The following ROBO2 variants were observed in gnomAD, a reference collection of about 807,000 sequenced individuals.
ROBO2 encodes the protein roundabout guidance receptor 2, also known as roundabout homolog 2.
A neutral mutation model predicts 160.8 loss-of-function variants in ROBO2; 53 were observed. That is an observed-to-expected ratio of 0.33 (90% confidence interval 0.26 to 0.41). The LOEUF (loss-of-function observed/expected upper bound fraction) is 0.41, where lower values mean the gene tolerates loss of function less well. ROBO2 is among the 10% of genes least tolerant of loss of function. ROBO2 has a pLI of 1.00. For missense variants in ROBO2, 1,577 were observed against 1,722.4 expected (o/e 0.92, Z 1.49); for synonymous variants, 664 against 611.7 (o/e 1.09, Z -1.26).
At chr3:76,099,462 G>C (rs554986316) in intron 2 of ROBO2, among the ~76,000 whole-genome samples, 4 of 152,086 alleles carry the variant, frequency 2.6e-5, no homozygotes, top group Middle Eastern at 3.4e-3. Flanking sequence ...TGTATTTCTT[G>C]AGAGATTTTC....
chr3:77,006,891 A>G (rs1036621061), intron 2 of ROBO2, among the ~76,000 whole-genome samples: 19 of 152,176 alleles, frequency 1.2e-4, no homozygotes, highest in African/African-American at 4.6e-4. Flanking sequence ...CTTTAAGTTA[A>G]AAAAGATAAT....
chr3:77,068,416 G>T (rs2149816173), intron 1 of ROBO2, among the ~76,000 whole-genome samples: 1 of 152,178 alleles, frequency 6.6e-6, no homozygotes, highest in East Asian at 1.9e-4. Context: ...AAAGGAGAAT[G>T]AACGAATCAC....
At chr3:77,159,715 G>A (rs2150599130) in intron 2 of ROBO2, among the ~76,000 whole-genome samples, 1 of 152,248 alleles carries the variant, frequency 6.6e-6, no homozygotes, top group African/African-American at 2.4e-5. Flanking sequence ...TAATAAGGAT[G>A]TAAAATTCAG....
At chr3:76,767,012 C>T (rs1200501996) in intron 2 of ROBO2, among the ~76,000 whole-genome samples, 2 of 151,496 alleles carry the variant, frequency 1.3e-5, no homozygotes, top group East Asian at 2.0e-4. Flanking sequence ...GAGATTAATA[C>T]ATTAATACAT....
intron 2 of ROBO2, among the ~76,000 whole-genome samples, chr3:77,300,786 G>C (rs2153411984): frequency 6.6e-6 from 1 of 152,018 alleles, no homozygotes; most frequent in Non-Finnish European, 1.5e-5. Context: ...ACATTTAGGG[G>C]CAGCTACCTA....
chr3:77,631,085 T>G (rs9862392), intron 23 of ROBO2: 110,150 of 151,282 alleles, frequency 0.73, 40,277 homozygotes, highest in East Asian at 0.84. Context: ...AGGCTCAGTT[T>G]CTGGTGTTAT....
chr3:77,476,556 C>G (rs1560944541), intron 2 of ROBO2, among the ~76,000 whole-genome samples: 1 of 152,012 alleles, frequency 6.6e-6, no homozygotes, highest in Non-Finnish European at 1.5e-5. Context: ...TGAATGTTTA[C>G]CCTAAAATTA....
At chr3:76,773,657 C>T (rs912264307) in intron 2 of ROBO2, among the ~76,000 whole-genome samples, 4 of 150,276 alleles carry the variant, frequency 2.7e-5, no homozygotes, top group Non-Finnish European at 6.0e-5. Context: ...ACTAATATAT[C>T]TAATAAAACA....
intron 2 of ROBO2, among the ~76,000 whole-genome samples, chr3:75,990,316 T>C (rs981554494): frequency 1.3e-5 from 2 of 152,156 alleles, no homozygotes; most frequent in East Asian, 1.9e-4. Context: ...TTAGACTTCA[T>C]AGGGGAAAGA....
At chr3:75,913,417 T>A (rs549404910) in intron 1 of ROBO2, among the ~76,000 whole-genome samples, 6 of 152,348 alleles carry the variant, frequency 3.9e-5, no homozygotes, top group Admixed American at 2.0e-4. Context: ...TCATAAGTGG[T>A]AATAATATTT....
intron 2 of ROBO2, among the ~76,000 whole-genome samples, chr3:76,538,433 A>T (rs2082634090): frequency 6.6e-6 from 1 of 152,134 alleles, no homozygotes; most frequent in South Asian, 2.1e-4. Context: ...CACCTGTGCC[A>T]CTGAGTTAGG....
At chr3:77,345,452 G>T (rs1156440024) in intron 2 of ROBO2, among the ~76,000 whole-genome samples, 1 of 152,112 alleles carries the variant, frequency 6.6e-6, no homozygotes, top group Non-Finnish European at 1.5e-5. Flanking sequence ...ATAATTGGTG[G>T]ACATATTGAA....
chr3:76,800,302 T>G (rs2064100655), intron 2 of ROBO2, among the ~76,000 whole-genome samples: 1 of 152,132 alleles, frequency 6.6e-6, no homozygotes, highest in East Asian at 1.9e-4. Flanking sequence ...TTCAAGACAT[T>G]GGCCTAGGCA....
chr3:76,973,492 T>C (rs1302941387), intron 2 of ROBO2, among the ~76,000 whole-genome samples: 1 of 152,086 alleles, frequency 6.6e-6, no homozygotes, highest in Non-Finnish European at 1.5e-5. Flanking sequence ...TTCATATCAT[T>C]ATTATTAAAC....
chr3:76,566,880 A>G (rs1377386893), intron 2 of ROBO2, among the ~76,000 whole-genome samples: 1 of 152,214 alleles, frequency 6.6e-6, no homozygotes, highest in Non-Finnish European at 1.5e-5. Context: ...TTCTGCAGGC[A>G]TCTCTCAAAA....
intron 2 of ROBO2, among the ~76,000 whole-genome samples, chr3:76,345,625 T>C (rs1361727828): frequency 6.6e-6 from 1 of 151,896 alleles, no homozygotes; most frequent in Non-Finnish European, 1.5e-5. Flanking sequence ...TAAAATAAAT[T>C]TGAGCCTTCC....
chr3:76,512,825 TC>T (rs1204241201), intron 2 of ROBO2, among the ~76,000 whole-genome samples: 8 of 152,122 alleles, frequency 5.3e-5, no homozygotes, highest in Non-Finnish European at 1.0e-4. Flanking sequence ...TATCTCAAAA[TC>T]TGCAAAAATG....
chr3:76,656,275 A>C (rs1560316069), intron 2 of ROBO2, among the ~76,000 whole-genome samples: 1 of 152,160 alleles, frequency 6.6e-6, no homozygotes. Context: ...TTCAATGTCC[A>C]AATTAGTTAA....
At chr3:75,983,452 A>C (rs1191477461) in intron 2 of ROBO2, among the ~76,000 whole-genome samples, 1 of 151,420 alleles carries the variant, frequency 6.6e-6, no homozygotes, top group Non-Finnish European at 1.5e-5. Context: ...TGATAAACTT[A>C]TGTGGTGTAC....
Sources: allele counts gnomAD v4.1 joint callset (sites outside exome capture counted in the v4.1 genomes callset), GRCh38; gene constraint gnomAD v4.1.1; transcripts MANE v1.5; gene names NCBI Gene and HGNC (gene_info 2026-07-23, HGNC 2026-07-21).